The following COL3A1 variants were observed in gnomAD, a reference collection of about 807,000 sequenced individuals.
COL3A1 encodes collagen type III alpha 1 chain, also known as collagen alpha-1(III) chain.
A neutral mutation model predicts 200.9 loss-of-function variants in COL3A1; 46 were observed. That is an observed-to-expected ratio of 0.23 (90% CI 0.18 to 0.29). The LOEUF (loss-of-function observed/expected upper bound fraction) is 0.29. Among genes scored for constraint, COL3A1 ranks in the 10% least tolerant of loss-of-function variants. The probability of loss-of-function intolerance (pLI) is 1.00; values close to 1 mark genes in which losing one functional copy is unlikely to be tolerated. For synonymous variants in COL3A1, 650 were observed against 628.0 expected (o/e 1.03, Z -0.52); for missense variants, 1,367 against 1,917.6 (o/e 0.71, Z 5.36).
rs868705044 is a variant in COL3A1 at position 188,996,168 on chromosome 2, C to G, written c.1652C>G (p.Pro551Arg). Residue 551 changes from proline (P) to arginine (R), a missense_variant, in exon 23 of 51, where the codon CCA becomes CGA. By Grantham distance (103) the Pro-to-Arg change is moderately radical. Around this residue, in one of 5 missense-constraint regions of COL3A1, gnomAD observed 462 missense variants for 681.4 expected, o/e 0.68. Coordinates refer to ENST00000304636, the MANE Select transcript of COL3A1 (RefSeq NM_000090.4). ...SPGGPGSDGK[P>R]GPPGSQGESG... ...GGAGGACCAGGAAGTGATGGGAAAC[C>G]AGGGCCTCCCGTATGTACATTTTTA... The G allele has an allele frequency of 6.2e-7, 1 of 1,613,418 alleles. No homozygotes were observed. The highest frequency in any genetic ancestry group is 8.5e-7 in the Non-Finnish European group (1 of 1,179,772).
intron 43 of COL3A1, 29 bp downstream of exon 43, chr2:189,006,481 G>T (rs754639358): frequency 1.9e-6 from 3 of 1,603,030 alleles, no homozygotes; most frequent in African/African-American, 1.3e-5. Flanking sequence ...CATCTGTCTT[G>T]TTTGTCTATT....
chr2:188,979,912 A>T (rs1345344709), intron 1 of COL3A1, among the ~76,000 whole-genome samples: 1 of 151,706 alleles, frequency 6.6e-6, no homozygotes, highest in Non-Finnish European at 1.5e-5. Context: ...TCTGCAGTTA[A>T]GATTCCTCAT....
At chr2:189,011,597 A>G (rs1454870709) in intron 50 of COL3A1, 31 bp from the exon 51 acceptor site, 4 of 1,613,656 alleles carry the variant, frequency 2.5e-6, no homozygotes, top group Non-Finnish European at 2.5e-6. Context: ...TTGTAATGTC[A>G]TGATCATGTA....
intron 32 of COL3A1, 129 bp from the exon 33 acceptor site, chr2:189,001,268 G>C: frequency 1.2e-6 from 1 of 815,770 alleles, no homozygotes; most frequent in Non-Finnish European, 2.0e-6. Flanking sequence ...TAGCATTCAA[G>C]CCATAAAAAT....
At chr2:188,983,323 T>C (rs963455435) in intron 1 of COL3A1, among the ~76,000 whole-genome samples, 18 of 151,984 alleles carry the variant, frequency 1.2e-4, no homozygotes, top group Non-Finnish European at 1.5e-4. Context: ...TTAAAACTTC[T>C]TGAGTAGATC....
intron 15 of COL3A1, 126 bp from the exon 16 acceptor site, chr2:188,993,235 T>C (rs566797566): frequency 7.5e-6 from 6 of 797,010 alleles, no homozygotes; most frequent in African/African-American, 5.1e-5. Flanking sequence ...ATTCCTTGCT[T>C]TACCTGCAGT....
At chr2:188,999,619 T>C (rs369538830) in intron 31 of COL3A1, 42 bp downstream of exon 31, 218 of 1,594,648 alleles carry the variant, frequency 1.4e-4, no homozygotes, top group Non-Finnish European at 1.8e-4. Flanking sequence ...AAATCAGTCA[T>C]TGTAGGTTTT....
intron 1 of COL3A1, among the ~76,000 whole-genome samples, chr2:188,984,556 G>A (rs540813025): frequency 2.0e-5 from 3 of 152,108 alleles, no homozygotes; most frequent in Non-Finnish European, 4.4e-5. Context: ...CCAATTTTAT[G>A]TTAACAAGCA....
Position 188,994,394 on chromosome 2 carries a change from A to C in COL3A1, c.1293+62A>C. The C allele has an allele frequency of 2.5e-6, 4 of 1,604,394 alleles. No individual in the cohort carries two copies. The highest frequency in any genetic ancestry group is 3.4e-6 in the Non-Finnish European group (4 of 1,172,216). On this transcript the variant is annotated intron_variant, in intron 18 of 50. Transcript: ENST00000304636. The surrounding 1 kb of genome is among the most constrained non-coding windows in gnomAD (Gnocchi z 4.5). ...TATAGTTTAATTCCATCAACAAAAA[A>C]TTAATAGCAAAATTTTGCTCCTGTT... is the stretch of plus-strand genomic sequence containing the variant.
intron 6 of COL3A1, 75 bp downstream of exon 6, chr2:188,988,209 C>A: frequency 7.8e-7 from 1 of 1,280,380 alleles, no homozygotes; most frequent in Non-Finnish European, 1.1e-6. Context: ...TGCTATAATT[C>A]AGCCATTCCA....
At chr2:188,989,556 A>G in intron 8 of COL3A1, 107 bp downstream of exon 8, 1 of 861,774 alleles carries the variant, frequency 1.2e-6, no homozygotes. Flanking sequence ...ATGTTATTCA[A>G]AATATTGTTG....
Position 188,994,278 on chromosome 2 carries a change from G to C in COL3A1, c.1239G>C (p.Arg413=), listed in dbSNP as rs769162177. 2 of 1,613,906 alleles carry C rather than the reference G, an allele frequency of 1.2e-6. No individual in the cohort carries two copies. Among genetic ancestry groups the C allele is most frequent in the East Asian group, 2.2e-5 (1 of 44,890 alleles). Residue 413 remains arginine, a synonymous_variant, in exon 18 of 51, where the codon CGG becomes CGC. Transcript: ENST00000304636. This position sits in a 1 kb window ranked among gnomAD's most constrained non-coding sequence, Gnocchi z 4.5. The part of the protein sequence containing the change: ...IPGAPGLMGA[R]GPPGPAGANG... ...GAGCTCCTGGACTGATGGGAGCCCG[G>C]GGTCCTCCAGGACCAGCCGGTGCTA...
rs1202815079 is a variant in COL3A1, at chr2:188,999,968, A to AT, written c.2283+79dup. 3.4e-6 allele frequency: 5 copies of AT among 1,462,370 alleles called. No homozygotes were observed. In the South Asian group the frequency reaches 3.7e-5, roughly 11 times the overall value. 90.6% of individuals were successfully genotyped at this position (1,462,370 alleles called of 1,614,324 possible). On this transcript the variant is annotated intron_variant, in intron 32 of 50. Coordinates refer to ENST00000304636, the MANE Select transcript of COL3A1 (RefSeq NM_000090.4). ...GGGACAGTCCTGCACTTCAACTTTAATTTTTTCCAAAAACTACTCAAGAGA... is the reference window on the plus strand; with the variant it reads ...GGGACAGTCCTGCACTTCAACTTTAATTTTTTTCCAAAAACTACTCAAGAGA...
chr2:188,974,468 GTC>G lies in COL3A1; in HGVS notation c.-19_-18del. On this transcript the variant is annotated 5_prime_UTR_variant, in exon 1 of 51. The change creates a premature stop within an existing upstream ORF in the 5' untranslated region. Transcript: ENST00000304636. The stretch of plus-strand genomic sequence containing the variant: ...TTCTTTTCTCCTTTTTGCACAAAGA[GTC>G]TCATGTCTGATATTTAGACATGATG... The G allele has an allele frequency of 6.3e-7, 1 of 1,593,180 alleles. No homozygotes were observed. The highest frequency in any genetic ancestry group is 8.6e-7 in the Non-Finnish European group (1 of 1,161,320).
chr2:188,994,467 A>G lies in COL3A1; in HGVS notation c.1294-74A>G. The G allele has an allele frequency of 6.3e-7, 1 of 1,580,440 alleles. No individual in the cohort carries two copies. On this transcript the variant is annotated intron_variant, in intron 18 of 50. Coordinates refer to ENST00000304636, the MANE Select transcript of COL3A1 (RefSeq NM_000090.4). This position sits in a 1 kb window ranked among gnomAD's most constrained non-coding sequence, Gnocchi z 4.5. ...ACTCTTGTCTTATAACTTATAACTG[A>G]ATTATGTGTTACTGGTGATGATTTG...
At chr2:188,995,852 G>A in intron 22 of COL3A1, 62 bp downstream of exon 22, 1 of 1,366,338 alleles carries the variant, frequency 7.3e-7, no homozygotes, top group Non-Finnish European at 1.0e-6. Context: ...CAAGACAAAT[G>A]AAGACAGATC....
At chr2:189,004,408 G>A in intron 40 of COL3A1, 44 bp downstream of exon 40, 3 of 1,519,394 alleles carry the variant, frequency 2.0e-6, no homozygotes, top group Non-Finnish European at 2.7e-6. Flanking sequence ...TCCTTTGGTA[G>A]CCTTCAGAGA....
chr2:189,001,718 C>A, intron 34 of COL3A1, 129 bp downstream of exon 34: 1 of 915,644 alleles, frequency 1.1e-6, no homozygotes, highest in Non-Finnish European at 1.8e-6. Flanking sequence ...CTTCAAAAAC[C>A]ATATAAGGAA....
rs571712558 is a variant in COL3A1, at chr2:189,010,118, C to A, written c.3824-60C>A. On this transcript the variant is annotated intron_variant, in intron 48 of 50. Transcript: ENST00000304636. ...ATGAATGCCTTTACAGGTAAACAAA[C>A]AAAATCACTTTATTACTGGATTTTA... is the stretch of plus-strand genomic sequence containing the variant. 1.4e-5 allele frequency: 22 copies of A among 1,549,190 alleles called. No homozygotes were observed. In the Admixed American group the frequency reaches 3.0e-4, roughly 21 times the overall value.
Sources: gnomAD v4.1 joint callset for allele counts (sites outside exome capture counted in the v4.1 genomes callset) on GRCh38, gnomAD v4.1.1 for gene constraint, gnomAD v4.1.1 regional missense constraint, Gnocchi (gnomAD v3.1) non-coding constraint, MANE v1.5 for transcripts, NCBI Gene and HGNC (gene_info 2026-07-23, HGNC 2026-07-21) for gene names.